Variants in APTX observed in about 807,000 individuals in gnomAD.
APTX encodes forkhead-associated domain histidine triad-like protein.
In APTX, 33 loss-of-function variants were observed where a neutral mutation model predicts 42.3. That is an observed-to-expected ratio of 0.78 (90% CI 0.59 to 1.04). The LOEUF is 1.04. Among genes scored for constraint, APTX ranks in the 50% least tolerant of loss-of-function variants. The pLI is 0.00. For synonymous variants in APTX, 130 were observed against 146.7 expected, an observed-to-expected ratio of 0.89 and a Z score of 0.82; for missense variants, 421 against 415.1, an observed-to-expected ratio of 1.01 and a Z score of -0.12.
intron 4 of APTX, 158 bp from the exon 5 acceptor site, chr9:32,986,188 A>C (rs1832078124): frequency 2.6e-6 from 2 of 777,206 alleles, no homozygotes; most frequent in Non-Finnish European, 4.6e-6. Context: ...GATTCACTTG[A>C]CTCTGCTTCA....
intron 1 of APTX, among the ~76,000 whole-genome samples, chr9:33,021,259 A>G (rs1202056638): frequency 1.3e-5 from 2 of 152,182 alleles, no homozygotes; most frequent in African/African-American, 4.8e-5. Flanking sequence ...ATGAAGACCT[A>G]GTTTAAAAAA....
chr9:33,015,027 A>G (rs1377124517), intron 1 of APTX, among the ~76,000 whole-genome samples: 1 of 152,234 alleles, frequency 6.6e-6, no homozygotes, highest in Non-Finnish European at 1.5e-5. Context: ...GCCCAGCTGT[A>G]TCAAATGTGA....
At chr9:32,997,105 G>A (rs1399067310) in intron 1 of APTX, 1 of 152,264 alleles carries the variant, frequency 6.6e-6, no homozygotes, top group Admixed American at 6.5e-5. Flanking sequence ...ATAACTTTTG[G>A]CTTCACTCAT....
intron 1 of APTX, chr9:33,025,001 G>A (rs185975903): frequency 6.6e-6 from 1 of 152,400 alleles, no homozygotes; most frequent in African/African-American, 2.4e-5. Context: ...AGGACTTGCA[G>A]TGCTCCTGGG....
chr9:33,012,027 G>A (rs1040679165), intron 1 of APTX, among the ~76,000 whole-genome samples: 2 of 152,116 alleles, frequency 1.3e-5, no homozygotes, highest in African/African-American at 4.8e-5. Context: ...ACAACCCCGA[G>A]ACACTCCTAC....
chr9:33,018,382 ACATG>A (rs1479992763), intron 1 of APTX, among the ~76,000 whole-genome samples: 5 of 151,956 alleles, frequency 3.3e-5, no homozygotes, highest in Admixed American at 2.6e-4. Context: ...AGCCTGGCCA[ACATG>A]GTGAAACCCC....
chr9:32,984,824 C>T lies in APTX; in HGVS notation c.577G>A (p.Asp193Asn). ...TGGTAACGGGCCTTTGGGTATTTAT[C>T]CTTTATCACCACCACCTGCTCATCT... ...YKDEQVVVIKDKYPKARYHWL... is the reference protein window; with the variant it reads ...YKDEQVVVIKNKYPKARYHWL... The change falls in exon 6 of 8, where the codon GAT becomes AAT. Residue 193 changes from aspartate (D) to asparagine (N), a missense_variant. Transcript: ENST00000379817. The T allele has an allele frequency of 6.2e-7, 1 of 1,614,182 alleles. No homozygotes were observed. Among genetic ancestry groups the T allele is most frequent in the Non-Finnish European group, 8.5e-7 (1 of 1,180,030 alleles).
chr9:33,017,923 C>A (rs1320447986), intron 1 of APTX, among the ~76,000 whole-genome samples: 1 of 107,906 alleles, frequency 9.3e-6, no homozygotes, highest in African/African-American at 4.3e-5. Flanking sequence ...GCCCTAGCAA[C>A]CAGCGCCCCC....
chr9:33,006,999 C>CAAAAAAAAAAAAAAAAAAAAAAAAAA (rs55924566), intron 1 of APTX, among the ~76,000 whole-genome samples: 2 of 49,458 alleles, frequency 4.0e-5, no homozygotes, highest in Non-Finnish European at 7.0e-5. Flanking sequence ...GACTCTGTCT[C>CAAAAAAAAAAAAAAAAAAAAAAAAAA]AAAAAAAAAA....
chr9:33,018,621 A>G (rs919451629), intron 1 of APTX, among the ~76,000 whole-genome samples: 16 of 150,540 alleles, frequency 1.1e-4, no homozygotes, highest in African/African-American at 3.9e-4. Flanking sequence ...TGGCTTATGC[A>G]GTAATCCCAG....
intron 1 of APTX, among the ~76,000 whole-genome samples, chr9:33,023,724 A>T (rs180817285): frequency 7.2e-5 from 11 of 152,370 alleles, no homozygotes; most frequent in Admixed American, 4.6e-4. Context: ...GAAACTGCGG[A>T]TAGTTCTGTG....
At chr9:33,005,334 T>G (rs1024976412), upstream of APTX, among the ~76,000 whole-genome samples, 1 of 151,756 alleles carries the variant, frequency 6.6e-6, no homozygotes, top group African/African-American at 2.4e-5. Flanking sequence ...AAATCTGTCA[T>G]GAAACTTTTC....
chr9:32,989,468 T>C (rs543173645), intron 2 of APTX: 65 of 521,872 alleles, frequency 1.2e-4, no homozygotes, highest in Admixed American at 6.3e-4. Context: ...TTGCTGCCCA[T>C]TGAGCAATGT....
At chr9:32,978,240 G>A (rs139234794) in intron 6 of APTX, among the ~76,000 whole-genome samples, 87 of 152,304 alleles carry the variant, frequency 5.7e-4, no homozygotes, top group Non-Finnish European at 9.4e-4. Flanking sequence ...AGGCCTGTCT[G>A]TCCAGATTCT....
intron 1 of APTX, among the ~76,000 whole-genome samples, chr9:32,992,789 A>G (rs1487295762): frequency 1.3e-5 from 2 of 152,200 alleles, no homozygotes; most frequent in Non-Finnish European, 2.9e-5. Context: ...CTGTTAATAT[A>G]ACGTGAGCCA....
In APTX at chr9:32,973,665, A is replaced by T; in HGVS notation, c.875-13T>A. ...ATCTCGATCACAGCTGCAGGCAAGG[A>T]AGAAAAGTCAAATCCCAGCTACTCT... On this transcript the variant is annotated splice_polypyrimidine_tract_variant and intron_variant, in intron 7 of 7. Transcript: ENST00000379817. 1 of 1,612,874 alleles carries T rather than the reference A, an allele frequency of 6.2e-7. No homozygotes were observed. The highest frequency in any genetic ancestry group is 8.5e-7 in the Non-Finnish European group (1 of 1,179,882).
In APTX at chr9:32,987,532, C is replaced by T; in HGVS notation, c.483+12G>A. 1 of 1,613,342 alleles carries T rather than the reference C, an allele frequency of 6.2e-7. No homozygotes were observed. Among genetic ancestry groups the T allele is most frequent in the South Asian group, 1.1e-5 (1 of 91,082 alleles). On this transcript the variant is annotated intron_variant, in intron 4 of 7. Transcript: ENST00000379817. ...TCTTCTCCACATCATCTACCAATCA[C>T]ACTACCCTCACCTTTTTGATAGGTG...
chr9:32,987,475 AC>A, intron 4 of APTX, 68 bp downstream of exon 4: 6 of 1,592,480 alleles, frequency 3.8e-6, no homozygotes, highest in Non-Finnish European at 4.3e-6. Flanking sequence ...TTTAAAGTGT[AC>A]AAAACAATTA....
chr9:32,999,591 G>T (rs1234321297), intron 1 of APTX, among the ~76,000 whole-genome samples: 1 of 152,206 alleles, frequency 6.6e-6, no homozygotes, highest in Non-Finnish European at 1.5e-5. Flanking sequence ...AAGGAAAAGG[G>T]TATAAATCTT....
Sources: gnomAD v4.1 joint callset for allele counts (sites outside exome capture counted in the v4.1 genomes callset) on GRCh38, gnomAD v4.1.1 for gene constraint, MANE v1.5 for transcripts, NCBI Gene and HGNC (gene_info 2026-07-23, HGNC 2026-07-21) for gene names.